Variants in ITGB6 observed in about 807,000 individuals in gnomAD.
ITGB6 encodes integrin subunit beta 6.
Under a neutral mutation model 84.5 loss-of-function variants are expected in ITGB6, and 80 were observed. The observed-to-expected ratio is 0.95, with a 90% CI of 0.79 to 1.14. The LOEUF is 1.14. Ranked by LOEUF, ITGB6 falls within the 50% of genes most tolerant of loss-of-function variation. ITGB6 has a pLI of 0.00. For synonymous variants in ITGB6, 383 were observed against 354.9 expected (o/e 1.08, Z -0.89); for missense variants, 1,006 against 968.0 (o/e 1.04, Z -0.52).
chr2:160,162,068 C>T (rs558078102), intron 7 of ITGB6, among the ~76,000 whole-genome samples: 1 of 152,234 alleles, frequency 6.6e-6, no homozygotes, highest in Non-Finnish European at 1.5e-5. Context: ...ATGGACAAGC[C>T]TCAAAAGCAG....
At chr2:160,169,407 A>G (rs1685122898) in intron 6 of ITGB6, 100 bp from the exon 7 acceptor site, 4 of 655,878 alleles carry the variant, frequency 6.1e-6, no homozygotes, top group Admixed American at 2.7e-5. Context: ...TTGGCATTTC[A>G]ATGCTCACAG....
intron 10 of ITGB6, among the ~76,000 whole-genome samples, chr2:160,132,306 C>A (rs1266364452): frequency 6.6e-6 from 1 of 151,992 alleles, no homozygotes; most frequent in South Asian, 2.1e-4. Context: ...TCAGAACAGA[C>A]CATAAATTTT....
rs748283114 is a variant in ITGB6 at position 160,107,745 on chromosome 2, C to T, written c.2202G>A (p.Val734=). The T allele has an allele frequency of 1.2e-6, 2 of 1,614,090 alleles. No individual in the cohort carries two copies. Among genetic ancestry groups the T allele is most frequent in the South Asian group, 2.2e-5 (2 of 91,074 alleles). The change falls in exon 14 of 15, where the codon GTG becomes GTA. Residue 734 remains valine (V), a synonymous_variant. Transcript: ENST00000283249. ...VVLLCIWKLL[V]SFHDRKEVAK... ...CAACTTCTTTACGATCATGAAATGA[C>T]ACCAGTAGCTTCCAGATGCACAGTA...
At chr2:160,150,970 C>G (rs192376527) in intron 7 of ITGB6, among the ~76,000 whole-genome samples, 1 of 152,144 alleles carries the variant, frequency 6.6e-6, no homozygotes, top group Admixed American at 6.5e-5. Context: ...CCTTAGAAAC[C>G]TACAAAGAGA....
intron 12 of ITGB6, among the ~76,000 whole-genome samples, chr2:160,122,900 C>T (rs537152202): frequency 7.2e-5 from 11 of 152,278 alleles, no homozygotes; most frequent in African/African-American, 2.4e-4. Flanking sequence ...ACATTATTGG[C>T]TTAATTATTT....
intron 10 of ITGB6, among the ~76,000 whole-genome samples, chr2:160,135,751 A>G (rs1303318969): frequency 6.6e-5 from 10 of 151,300 alleles, no homozygotes; most frequent in Admixed American, 3.3e-4. Flanking sequence ...ATAATGCCAC[A>G]TATCTACAAC....
At chr2:160,186,802 C>A (rs369900025) in intron 4 of ITGB6, among the ~76,000 whole-genome samples, 1 of 152,150 alleles carries the variant, frequency 6.6e-6, no homozygotes. Flanking sequence ...AGGATGAGTT[C>A]ATGCCCTTTG....
At chr2:160,156,352 G>A (rs749828426) in intron 7 of ITGB6, among the ~76,000 whole-genome samples, 1 of 152,158 alleles carries the variant, frequency 6.6e-6, no homozygotes, top group Non-Finnish European at 1.5e-5. Flanking sequence ...AGGAGCTGCA[G>A]TTGCCAACTC....
chr2:160,146,294 A>T (rs549875483), intron 7 of ITGB6, among the ~76,000 whole-genome samples: 1 of 152,328 alleles, frequency 6.6e-6, no homozygotes, highest in African/African-American at 2.4e-5. Flanking sequence ...GATCAAATCT[A>T]TCACATTTTA....
intron 7 of ITGB6, among the ~76,000 whole-genome samples, chr2:160,142,595 C>T (rs1574080498): frequency 6.6e-6 from 1 of 152,192 alleles, no homozygotes; most frequent in African/African-American, 2.4e-5. Context: ...CTCTCCCTTC[C>T]TCCTGGTAAT....
intron 4 of ITGB6, among the ~76,000 whole-genome samples, chr2:160,174,536 T>C (rs980633314): frequency 2.6e-5 from 4 of 152,036 alleles, no homozygotes; most frequent in African/African-American, 7.2e-5. Context: ...TGAATCACCC[T>C]GTAGCAAGAC....
intron 4 of ITGB6, among the ~76,000 whole-genome samples, chr2:160,179,634 C>A (rs1400582476): frequency 6.6e-6 from 1 of 150,550 alleles, no homozygotes; most frequent in African/African-American, 2.4e-5. Context: ...CTCAGGTGAT[C>A]TGCCCACCTC....
chr2:160,131,437 T>C (rs746265566), intron 10 of ITGB6, among the ~76,000 whole-genome samples: 17 of 152,148 alleles, frequency 1.1e-4, no homozygotes, highest in South Asian at 2.1e-4. Flanking sequence ...AAACTGGAGA[T>C]CCACACAAGT....
intron 6 of ITGB6, among the ~76,000 whole-genome samples, chr2:160,171,492 G>A (rs937675056): frequency 2.0e-5 from 3 of 151,834 alleles, no homozygotes; most frequent in African/African-American, 7.3e-5. Context: ...CCACCACCAC[G>A]CCCGGCTAAA....
rs1218788898 is a variant in ITGB6 at position 160,137,592 on chromosome 2, G to T, written c.1502C>A (p.Ser501Tyr). Reference protein sequence around the residue: ...ECGEDMLSTDSCKEAPDHPSC... With the variant: ...ECGEDMLSTDYCKEAPDHPSC... Reference sequence around the variant, plus strand: ...GGGATGATCTGGGGCCTCCTTGCAGGAATCTGTGCTCAGCATGTCCTCGCC... The same window carrying T: ...GGGATGATCTGGGGCCTCCTTGCAGTAATCTGTGCTCAGCATGTCCTCGCC... The change falls in exon 10 of 15, where the codon TCC (serine) becomes TAC (tyrosine). Residue 501 changes from serine to tyrosine, a missense_variant. Transcript: ENST00000283249. 5 of 1,614,070 alleles carry T rather than the reference G, an allele frequency of 3.1e-6. No homozygotes were observed. Among genetic ancestry groups the T allele is most frequent in the Non-Finnish European group, 3.4e-6 (4 of 1,180,030 alleles).
At chr2:160,138,020 C>A in intron 9 of ITGB6, 45 bp downstream of exon 9, 1 of 1,570,312 alleles carries the variant, frequency 6.4e-7, no homozygotes, top group Non-Finnish European at 8.6e-7. Flanking sequence ...TAATTTCTGA[C>A]CCATCCAGGT....
rs1333444590 is a variant in ITGB6, at chr2:160,200,168, AT to A, written c.-106del. 6.2e-5 allele frequency: 54 copies of A among 865,734 alleles called. No individual in the cohort carries two copies. The South Asian group carries it at 7.1e-4, about 11-fold the overall frequency. 53.6% of individuals were successfully genotyped at this position (865,734 alleles called of 1,614,324 possible). A position where few individuals can be genotyped will look rare whatever the true frequency, so the allele number is the denominator to read the frequency against. On this transcript the variant is annotated 5_prime_UTR_variant, in exon 1 of 15. In the 5' UTR this introduces an upstream ATG that the reference lacks. Transcript: ENST00000283249. The stretch of plus-strand genomic sequence containing the variant: ...AAGTCTTTCTTTCTTGAAGTATAAC[AT>A]TTTAAATACTACTTACACTGCTTTG...
At chr2:160,130,346 C>A (rs1442600391) in intron 10 of ITGB6, among the ~76,000 whole-genome samples, 1 of 151,628 alleles carries the variant, frequency 6.6e-6, no homozygotes, top group Non-Finnish European at 1.5e-5. Flanking sequence ...TCTCTATATA[C>A]TCTATATATA....
chr2:160,106,549 G>A (rs1696915818), intron 14 of ITGB6, among the ~76,000 whole-genome samples: 2 of 152,082 alleles, frequency 1.3e-5, no homozygotes, highest in Non-Finnish European at 2.9e-5. Flanking sequence ...TTTTCCAGTT[G>A]TTTTAAAAAT....
Sources: gnomAD v4.1 joint callset for allele counts (sites outside exome capture counted in the v4.1 genomes callset) on GRCh38, gnomAD v4.1.1 for gene constraint, MANE v1.5 for transcripts, NCBI Gene and HGNC (gene_info 2026-07-23, HGNC 2026-07-21) for gene names.